PTPRB: variants seen among roughly 807,000 people sequenced by gnomAD.
The protein encoded by PTPRB is protein tyrosine phosphatase receptor type B.
PTPRB carries 97 observed loss-of-function variants against 238.1 expected under a neutral mutation model. That is an observed-to-expected ratio of 0.41 (90% CI 0.35 to 0.48). PTPRB has a LOEUF of 0.48. Ranked by LOEUF, PTPRB falls within the 20% of genes least tolerant of loss-of-function variation. The pLI is 0.30. For synonymous variants in PTPRB, 970 were observed against 995.4 expected (o/e 0.97, Z 0.48); for missense variants, 2,292 against 2,681.9 (o/e 0.85, Z 3.21).
rs542246425 is a variant in PTPRB, at chr12:70,548,105, T to A, written c.5388-3442A>T. 3.3e-5 allele frequency among the ~76,000 whole-genome samples: 5 copies of A among 152,196 alleles called. No homozygotes were observed. The East Asian group carries it at 9.7e-4, about 29-fold the overall frequency. On this transcript the variant is annotated intron_variant, in intron 21 of 33. Transcript: ENST00000334414. ...AATTTGGGAGGCCAAGGCAGGCAGATCACATGAGGCCAAGAATTTGAGGCC... is the reference window on the plus strand; with the variant it reads ...AATTTGGGAGGCCAAGGCAGGCAGAACACATGAGGCCAAGAATTTGAGGCC...
intron 4 of PTPRB, among the ~76,000 whole-genome samples, chr12:70,605,206 T>A (rs574911727): frequency 6.6e-6 from 1 of 152,354 alleles, no homozygotes; most frequent in East Asian, 1.9e-4. Context: ...GGTAAAGTTA[T>A]CTACCACTAC....
intron 27 of PTPRB, 114 bp from the exon 28 acceptor site, chr12:70,538,345 T>A: frequency 1.2e-6 from 1 of 842,216 alleles, no homozygotes; most frequent in Non-Finnish European, 1.8e-6. Flanking sequence ...GAAGTGATCT[T>A]ATCTCCATTT....
rs1878157727 is a variant in PTPRB, at chr12:70,559,382, T to C, written c.4675A>G (p.Lys1559Glu). The C allele has an allele frequency of 6.2e-7, 1 of 1,613,970 alleles. No homozygotes were observed. Among genetic ancestry groups the C allele is most frequent in the African/African-American group, 1.3e-5 (1 of 75,060 alleles). Reference protein sequence around the residue: ...NVKTVSGDSWKTYSKPIFGSV... With the variant: ...NVKTVSGDSWETYSKPIFGSV... ...CCAAAAATTGGTTTGCTGTAAGTTT[T>C]CCAGGAATCACCACTGACAGTCTTG... The change falls in exon 18 of 34, where the codon AAA becomes GAA. Residue 1559 changes from lysine (K) to glutamate (E), a missense_variant. Lys to Glu is a moderately conservative substitution (Grantham distance 56, BLOSUM62 1). This residue lies in a region of PTPRB where 683 missense variants were observed against 862.0 expected (regional missense o/e 0.79). Transcript: ENST00000334414.
At chr12:70,539,176 C>A (rs1389328470) in intron 26 of PTPRB, 162 bp from the exon 27 acceptor site, 2 of 633,418 alleles carry the variant, frequency 3.2e-6, no homozygotes, top group Non-Finnish European at 5.5e-6. Flanking sequence ...CACAACAGCC[C>A]CACAAGGGAG....
intron 32 of PTPRB, 77 bp downstream of exon 32, chr12:70,531,958 T>C: frequency 6.5e-7 from 1 of 1,534,050 alleles, no homozygotes; most frequent in East Asian, 2.3e-5. Context: ...CCTTGTCAGA[T>C]TAAGGTCCTG....
chr12:70,590,012 C>A lies in PTPRB; in HGVS notation c.2002G>T (p.Val668Phe). 6.2e-7 allele frequency: 1 copy of A among 1,614,000 alleles called. No individual in the cohort carries two copies. Among genetic ancestry groups the A allele is most frequent in the Non-Finnish European group, 8.5e-7 (1 of 1,179,880 alleles). ...PGRQYEVEVIVESGNLKNSER... is the reference protein window; with the variant it reads ...PGRQYEVEVIFESGNLKNSER... ...GAATTCTTCAAATTTCCACTCTCAA[C>A]AATGACTTCCACCTCATACTGTCTT... Residue 668 changes from valine to phenylalanine, a missense_variant, in exon 8 of 34, where the codon GTT (valine) becomes TTT (phenylalanine). Transcript: ENST00000334414.
intron 32 of PTPRB, among the ~76,000 whole-genome samples, chr12:70,529,839 G>A (rs1446782483): frequency 1.3e-5 from 2 of 152,088 alleles, no homozygotes; most frequent in East Asian, 3.9e-4. Context: ...AGACAGACAT[G>A]GTGATCTGCC....
chr12:70,569,645 A>C, intron 14 of PTPRB, 30 bp downstream of exon 14: 2 of 1,611,110 alleles, frequency 1.2e-6, no homozygotes, highest in African/African-American at 1.3e-5. Context: ...GGCATTCTAC[A>C]ATCTAGCCCT....
intron 3 of PTPRB, among the ~76,000 whole-genome samples, chr12:70,615,360 A>G (rs1437782251): frequency 1.3e-5 from 2 of 152,130 alleles, no homozygotes; most frequent in Non-Finnish European, 2.9e-5. Flanking sequence ...GATTTTTTTA[A>G]AATACTGCAA....
rs1351771613 is a variant in PTPRB at position 70,544,731 on chromosome 12, A to C, written c.5388-68T>G. On this transcript the variant is annotated intron_variant, in intron 21 of 33. Transcript: ENST00000334414. ...AACACAGTAGCTGAAAAATGTGTTC[A>C]AGGAGAAATAGGGCGGGTTCCTGGT... 6 of 1,093,504 alleles carry C rather than the reference A, an allele frequency of 5.5e-6. No individual in the cohort carries two copies. The Admixed American group carries it at 1.7e-4, about 31-fold the overall frequency. 67.7% of individuals were successfully genotyped at this position (1,093,504 alleles called of 1,614,324 possible). A position where few individuals can be genotyped will look rare whatever the true frequency, so the allele number is the denominator to read the frequency against.
chr12:70,612,768 C>G (rs1294145614), intron 3 of PTPRB, among the ~76,000 whole-genome samples: 1 of 152,086 alleles, frequency 6.6e-6, no homozygotes, highest in African/African-American at 2.4e-5. Context: ...AGGTAGATCA[C>G]TTGAGTCCAG....
rs1027401737 is a variant in PTPRB, at chr12:70,518,977, T to C, written c.*2512A>G. The C allele has an allele frequency of 1.1e-4, 16 of 152,226 alleles. No homozygotes were observed. Among genetic ancestry groups the C allele is most frequent in the African/African-American group, 3.6e-4 (15 of 41,538 alleles). The allele number at this position is 152,226 out of a possible 1,614,324, so 9.4% of individuals were successfully genotyped here. A position where few individuals can be genotyped will look rare whatever the true frequency, so the allele number is the denominator to read the frequency against. ...TGGAAATAAATCCAATAGAGCTGAATGTCAAGGAAAACTTTTTTTTTCTCC... is the reference window on the plus strand; with the variant it reads ...TGGAAATAAATCCAATAGAGCTGAACGTCAAGGAAAACTTTTTTTTTCTCC... On this transcript the variant is annotated 3_prime_UTR_variant, in exon 34 of 34. Coordinates refer to ENST00000334414, the MANE Select transcript of PTPRB (RefSeq NM_001109754.4).
chr12:70,594,846 C>T (rs1882847800), intron 5 of PTPRB, 122 bp from the exon 6 acceptor site: 7 of 1,229,870 alleles, frequency 5.7e-6, no homozygotes, highest in African/African-American at 3.0e-5. Context: ...TTGATAATAG[C>T]ATTAGTAAAT....
intron 3 of PTPRB, among the ~76,000 whole-genome samples, chr12:70,619,007 A>G (rs946471002): frequency 5.3e-5 from 8 of 152,138 alleles, no homozygotes; most frequent in African/African-American, 1.9e-4. Context: ...AACGGCAGGG[A>G]ATACTCTGAT....
At chr12:70,565,604 C>T (rs1261936636) in intron 15 of PTPRB, among the ~76,000 whole-genome samples, 1 of 152,196 alleles carries the variant, frequency 6.6e-6, no homozygotes, top group African/African-American at 2.4e-5. Context: ...GTCCATGTGT[C>T]TGTCTCGTCA....
At chr12:70,541,045 C>T in intron 22 of PTPRB, 88 bp from the exon 23 acceptor site, 1 of 1,021,516 alleles carries the variant, frequency 9.8e-7, no homozygotes. Flanking sequence ...CCATATCTCC[C>T]AAGTAATGTT....
intron 2 of PTPRB, 83 bp from the exon 3 acceptor site, chr12:70,622,729 G>C: frequency 7.0e-7 from 1 of 1,435,566 alleles, no homozygotes; most frequent in Non-Finnish European, 9.2e-7. Context: ...CTTAGCAAAA[G>C]AGGGCCTTTT....
chr12:70,636,447 T>A (rs1423904361), intron 1 of PTPRB, among the ~76,000 whole-genome samples: 1 of 152,174 alleles, frequency 6.6e-6, no homozygotes, highest in African/African-American at 2.4e-5. Context: ...TCAGCTCCCT[T>A]TTTAACCATT....
chr12:70,557,754 G>A (rs1006252271), intron 18 of PTPRB, among the ~76,000 whole-genome samples: 1 of 152,226 alleles, frequency 6.6e-6, no homozygotes, highest in African/African-American at 2.4e-5. Context: ...TCATTGCCTT[G>A]TGTGGGAGTA....
Sources: allele counts gnomAD v4.1 joint callset (sites outside exome capture counted in the v4.1 genomes callset), GRCh38; gene constraint gnomAD v4.1.1; regional missense constraint gnomAD v4.1.1; transcripts MANE v1.5; gene names NCBI Gene and HGNC (gene_info 2026-07-23, HGNC 2026-07-21).